The following GAB2 variants were observed in gnomAD, a reference collection of about 807,000 sequenced individuals.
GAB2 encodes GRB2 associated binding protein 2.
In GAB2, 26 loss-of-function variants were observed where a neutral mutation model predicts 65.5. The observed-to-expected ratio is 0.40, with a 90% CI of 0.29 to 0.55. GAB2 has a LOEUF of 0.55. GAB2 is among the 20% of genes least tolerant of loss of function. GAB2 has a pLI of 0.53. For synonymous variants in GAB2, 321 were observed against 329.6 expected (o/e 0.97, Z 0.28); for missense variants, 884 against 875.8 (o/e 1.01, Z -0.12).
intron 1 of GAB2, among the ~76,000 whole-genome samples, chr11:78,356,003 T>A (rs1221344679): frequency 6.6e-6 from 1 of 151,632 alleles, no homozygotes; most frequent in Non-Finnish European, 1.5e-5. Flanking sequence ...TGAAAGCCCG[T>A]CTCTAATAAA....
chr11:78,343,597 A>G (rs138446553), intron 1 of GAB2, among the ~76,000 whole-genome samples: 14 of 152,338 alleles, frequency 9.2e-5, no homozygotes, highest in Non-Finnish European at 1.9e-4. Context: ...CAAAGAAGCC[A>G]GGTTCAGGAC....
At chr11:78,401,877 C>T (rs997024363) in intron 1 of GAB2, among the ~76,000 whole-genome samples, 8 of 151,998 alleles carry the variant, frequency 5.3e-5, no homozygotes, top group African/African-American at 1.4e-4. Flanking sequence ...TGAATATAAT[C>T]GAAGAAATAA....
chr11:78,236,664 CTTT>C (rs150562277), intron 3 of GAB2, among the ~76,000 whole-genome samples: 1 of 152,016 alleles, frequency 6.6e-6, no homozygotes, highest in African/African-American at 2.4e-5. Context: ...CTAAGAAATA[CTTT>C]TTTTTCAATG....
chr11:78,367,989 TG>T (rs1422196654), intron 1 of GAB2, among the ~76,000 whole-genome samples: 1 of 151,718 alleles, frequency 6.6e-6, no homozygotes, highest in Non-Finnish European at 1.5e-5. Flanking sequence ...GCTAATTTTT[TG>T]TATTTTTAGT....
chr11:78,392,358 T>C (rs1170042866), intron 1 of GAB2: 1 of 152,248 alleles, frequency 6.6e-6, no homozygotes, highest in South Asian at 2.1e-4. Context: ...TTGATTGTTA[T>C]CTATTTTATC....
At chr11:78,225,816 C>T (rs1864626134) in intron 4 of GAB2, among the ~76,000 whole-genome samples, 1 of 152,188 alleles carries the variant, frequency 6.6e-6, no homozygotes, top group African/African-American at 2.4e-5. Context: ...CCACCAACCT[C>T]TCTGCCTGGC....
chr11:78,346,722 A>ATATATATATATTT (rs1565168352), intron 1 of GAB2, among the ~76,000 whole-genome samples: 2 of 30,794 alleles, frequency 6.5e-5, no homozygotes, highest in African/African-American at 1.6e-4. Flanking sequence ...TATATATATA[A>ATATATATATATTT]TTTTTTTTTT....
chr11:78,391,311 T>A (rs925905178), intron 1 of GAB2, among the ~76,000 whole-genome samples: 4 of 151,900 alleles, frequency 2.6e-5, no homozygotes, highest in African/African-American at 9.7e-5. Flanking sequence ...AATAAATAAA[T>A]AAAATAAAAA....
At chr11:78,250,849 A>C (rs1262296691) in intron 2 of GAB2, among the ~76,000 whole-genome samples, 2 of 152,316 alleles carry the variant, frequency 1.3e-5, no homozygotes, top group East Asian at 3.9e-4. Context: ...TTAATGCAGA[A>C]ACAGAAAACC....
At chr11:78,247,825 C>T (rs1033812142) in intron 3 of GAB2, among the ~76,000 whole-genome samples, 1 of 152,196 alleles carries the variant, frequency 6.6e-6, no homozygotes, top group Non-Finnish European at 1.5e-5. Context: ...TTCCTACCCT[C>T]CCAACTTCCT....
chr11:78,264,405 T>C (rs1353700146), intron 2 of GAB2, among the ~76,000 whole-genome samples: 1 of 136,212 alleles, frequency 7.3e-6, no homozygotes, highest in East Asian at 2.3e-4. Context: ...AATTTCTTTT[T>C]CTTTTTTTTT....
intron 1 of GAB2, among the ~76,000 whole-genome samples, chr11:78,411,233 T>G (rs1036391822): frequency 6.6e-6 from 1 of 151,992 alleles, no homozygotes; most frequent in African/African-American, 2.4e-5. Flanking sequence ...GTAAAATAAA[T>G]TCATGGACTG....
chr11:78,380,263 AGTGGT>A (rs1856681021), intron 1 of GAB2, among the ~76,000 whole-genome samples: 1 of 151,326 alleles, frequency 6.6e-6, no homozygotes, highest in East Asian at 1.9e-4. Flanking sequence ...GCTGAAATGC[AGTGGT>A]GTGATCTCAG....
chr11:78,300,411 C>T (rs1866962841), intron 1 of GAB2, among the ~76,000 whole-genome samples: 1 of 151,384 alleles, frequency 6.6e-6, no homozygotes, highest in Non-Finnish European at 1.5e-5. Context: ...TAGCTATGAA[C>T]ATTATTGTAC....
At chr11:78,245,010 C>T (rs747047868) in intron 3 of GAB2, among the ~76,000 whole-genome samples, 5 of 152,092 alleles carry the variant, frequency 3.3e-5, no homozygotes, top group Admixed American at 2.0e-4. Context: ...TCATTAGTCA[C>T]GATAGCCAAG....
chr11:78,263,372 A>G (rs550884206), intron 2 of GAB2, among the ~76,000 whole-genome samples: 191 of 151,582 alleles, frequency 1.3e-3, no homozygotes, highest in Middle Eastern at 6.8e-3. Flanking sequence ...AGTCACTCAC[A>G]CCTGTAATCC....
At chr11:78,338,137 C>A (rs1339811524) in intron 1 of GAB2, among the ~76,000 whole-genome samples, 1 of 152,232 alleles carries the variant, frequency 6.6e-6, no homozygotes, top group Non-Finnish European at 1.5e-5. Context: ...CCATCACCAT[C>A]ATAAGAGCAT....
chr11:78,368,884 C>T (rs778518349), intron 1 of GAB2, among the ~76,000 whole-genome samples: 1 of 151,826 alleles, frequency 6.6e-6, no homozygotes, highest in Non-Finnish European at 1.5e-5. Flanking sequence ...TGAGACCAGC[C>T]TGGGAAACAC....
chr11:78,355,859 A>T (rs1489650684), intron 1 of GAB2, among the ~76,000 whole-genome samples: 1 of 151,986 alleles, frequency 6.6e-6, no homozygotes, highest in Admixed American at 6.6e-5. Context: ...ACTTAACCTT[A>T]GCCAACTCAT....
Sources: allele counts gnomAD v4.1 joint callset (sites outside exome capture counted in the v4.1 genomes callset), GRCh38; gene constraint gnomAD v4.1.1; transcripts MANE v1.5; gene names NCBI Gene and HGNC (gene_info 2026-07-23, HGNC 2026-07-21).